ACO1: variants seen among roughly 807,000 people sequenced by gnomAD.
ACO1 encodes aconitase 1.
Under a neutral mutation model 105.1 loss-of-function variants are expected in ACO1, and 78 were observed. That is an observed-to-expected ratio of 0.74 (90% CI 0.62 to 0.90). The LOEUF is 0.90. Among genes scored for constraint, ACO1 ranks in the 40% least tolerant of loss-of-function variants. The pLI, the probability that ACO1 is intolerant of heterozygous loss-of-function variation, is 0.00. For missense variants in ACO1, 965 were observed against 1,111.1 expected (o/e 0.87, Z 1.87); for synonymous variants, 364 against 397.4 (o/e 0.92, Z 1.00).
At chr9:32,407,495 A>G in intron 3 of ACO1, 66 bp downstream of exon 3, 1 of 1,394,358 alleles carries the variant, frequency 7.2e-7, no homozygotes, top group Non-Finnish European at 9.9e-7. Flanking sequence ...GTTTTCTTTT[A>G]AACAAATGAA....
At chr9:32,388,246 G>C (rs907692585) in intron 1 of ACO1, among the ~76,000 whole-genome samples, 1 of 152,162 alleles carries the variant, frequency 6.6e-6, no homozygotes, top group African/African-American at 2.4e-5. Context: ...ATGTTAAAAA[G>C]GATGGAAAGG....
At position 32,450,256 on chromosome 9, in the gene ACO1, C is replaced by G. The variant is rs10970983; in HGVS notation, c.*145C>G. The G allele has an allele frequency of 5.1e-3, 3,829 of 750,948 alleles. 14 individuals are homozygous for G. The highest frequency in any genetic ancestry group is 0.013 in the Middle Eastern group (36 of 2,756). 46.5% of individuals were successfully genotyped at this position (750,948 alleles called of 1,614,324 possible). On this transcript the variant is annotated 3_prime_UTR_variant, in exon 21 of 21. Transcript: ENST00000309951. Reference sequence around the variant, plus strand: ...TGAGCACTGAGGGTCTGGTGCCAATCCTGTAGGCACAAAACCAGAAGTTTC... The same window carrying G: ...TGAGCACTGAGGGTCTGGTGCCAATGCTGTAGGCACAAAACCAGAAGTTTC...
At chr9:32,412,231 A>G (rs1821754939) in intron 4 of ACO1, among the ~76,000 whole-genome samples, 1 of 152,254 alleles carries the variant, frequency 6.6e-6, no homozygotes, top group South Asian at 2.1e-4. Context: ...CACTTGGAAC[A>G]TGATCACATT....
At chr9:32,431,884 G>C in intron 15 of ACO1, 41 bp downstream of exon 15, 1 of 1,610,456 alleles carries the variant, frequency 6.2e-7, no homozygotes, top group Non-Finnish European at 8.5e-7. Flanking sequence ...GAGGATCTAA[G>C]GGAAAGCTGC....
intron 1 of ACO1, among the ~76,000 whole-genome samples, chr9:32,389,569 G>A (rs942237909): frequency 1.3e-5 from 2 of 152,040 alleles, no homozygotes; most frequent in Non-Finnish European, 2.9e-5. Flanking sequence ...TGCTGTGTCT[G>A]CTTCCCCTGT....
At chr9:32,421,823 C>T (rs1227814668) in intron 8 of ACO1, among the ~76,000 whole-genome samples, 1 of 152,018 alleles carries the variant, frequency 6.6e-6, no homozygotes, top group Non-Finnish European at 1.5e-5. Context: ...GCTGAAGTAC[C>T]CCAGAGGTGC....
At chr9:32,429,660 T>C (rs1822182303) in intron 13 of ACO1, among the ~76,000 whole-genome samples, 157 bp downstream of exon 13, 1 of 152,250 alleles carries the variant, frequency 6.6e-6, no homozygotes, top group Non-Finnish European at 1.5e-5. Flanking sequence ...TGGGTAACCT[T>C]GGGCAAGTTA....
At chr9:32,429,915 C>T (rs1822188566) in intron 13 of ACO1, among the ~76,000 whole-genome samples, 2 of 152,184 alleles carry the variant, frequency 1.3e-5, no homozygotes, top group African/African-American at 4.8e-5. Flanking sequence ...ACCACAATTA[C>T]TTTTGCACCA....
chr9:32,421,488 A>G (rs1433101046), intron 8 of ACO1, among the ~76,000 whole-genome samples: 1 of 152,126 alleles, frequency 6.6e-6, no homozygotes, highest in Non-Finnish European at 1.5e-5. Context: ...TCAGAATCCA[A>G]CCCTGCAACT....
At chr9:32,429,619 T>C (rs1822181254) in intron 13 of ACO1, 116 bp downstream of exon 13, 1 of 889,902 alleles carries the variant, frequency 1.1e-6, no homozygotes, top group Non-Finnish European at 1.7e-6. Context: ...GTTTAGAGTA[T>C]GATCTTTTGA....
At chr9:32,436,424 G>GAC (rs745561167) in intron 18 of ACO1, 27 bp downstream of exon 18, 67 of 1,609,968 alleles carry the variant, frequency 4.2e-5, no homozygotes, top group Non-Finnish European at 5.6e-5. Context: ...GCTTCCTGCA[G>GAC]ACACTAGCAT....
At chr9:32,445,682 T>C (rs956156231) in intron 19 of ACO1, 10 of 237,586 alleles carry the variant, frequency 4.2e-5, no homozygotes, top group African/African-American at 1.9e-4. Flanking sequence ...CTCTTGCTTC[T>C]CTAGTTCTTT....
intron 18 of ACO1, among the ~76,000 whole-genome samples, chr9:32,438,695 T>A (rs547079302): frequency 2.0e-5 from 3 of 152,270 alleles, no homozygotes; most frequent in African/African-American, 7.2e-5. Context: ...GTGAAACATG[T>A]CTTAAATCAC....
chr9:32,446,087 C>T (rs59060092), intron 19 of ACO1, among the ~76,000 whole-genome samples: 3,322 of 152,134 alleles, frequency 0.022, 91 homozygotes, highest in African/African-American at 0.069. Flanking sequence ...GTATATTCTA[C>T]TGATTTGGGG....
intron 1 of ACO1, among the ~76,000 whole-genome samples, chr9:32,397,045 G>C (rs1587513173): frequency 6.6e-6 from 1 of 152,040 alleles, no homozygotes; most frequent in East Asian, 1.9e-4. Context: ...AGAAAAGACT[G>C]AGTGAAAATA....
At chr9:32,403,597 A>C (rs576272430) in intron 1 of ACO1, among the ~76,000 whole-genome samples, 175 of 152,314 alleles carry the variant, frequency 1.1e-3, no homozygotes, top group Non-Finnish European at 1.8e-3. Flanking sequence ...CAGGGAAGTA[A>C]ATTGACACAT....
intron 8 of ACO1, among the ~76,000 whole-genome samples, chr9:32,422,410 C>T (rs890578088): frequency 4.6e-5 from 7 of 152,180 alleles, no homozygotes; most frequent in African/African-American, 1.7e-4. Context: ...GCTCATACAG[C>T]TGTCTTTTAT....
At chr9:32,401,073 G>A (rs1821485383) in intron 1 of ACO1, among the ~76,000 whole-genome samples, 3 of 151,980 alleles carry the variant, frequency 2.0e-5, no homozygotes, top group Admixed American at 2.0e-4. Flanking sequence ...ATCTGAGTAA[G>A]GGATTGTATA....
chr9:32,427,184 C>T, intron 11 of ACO1, 117 bp from the exon 12 acceptor site: 12 of 1,275,670 alleles, frequency 9.4e-6, no homozygotes, highest in Non-Finnish European at 9.7e-6. Context: ...ATGAAGGGAG[C>T]GTGGTCAGGT....
Sources: gnomAD v4.1 joint callset for allele counts (sites outside exome capture counted in the v4.1 genomes callset) on GRCh38, gnomAD v4.1.1 for gene constraint, MANE v1.5 for transcripts, NCBI Gene and HGNC (gene_info 2026-07-23, HGNC 2026-07-21) for gene names.